POP4: variants seen among roughly 807,000 people sequenced by gnomAD.
The protein encoded by POP4 is ribonuclease P protein subunit p29.
POP4 carries 31 observed loss-of-function variants against 29.9 expected under a neutral mutation model. That is an observed-to-expected ratio of 1.04 (90% CI 0.78 to 1.40). The LOEUF (loss-of-function observed/expected upper bound fraction) is 1.40. Among genes scored for constraint, POP4 ranks in the 40% most tolerant of loss-of-function variants. The pLI is 0.00. For missense variants in POP4, 286 were observed against 282.7 expected (o/e 1.01, Z -0.08); for synonymous variants, 110 against 108.2 (o/e 1.02, Z -0.10).
In POP4 at chr19:29,611,918, G is replaced by A. The variant is rs897423885; in HGVS notation, c.341G>A (p.Cys114Tyr). The change falls in exon 4 of 7, where the codon TGC (cysteine) becomes TAC (tyrosine). Residue 114 changes from cysteine (C) to tyrosine (Y), a missense_variant. Physicochemically the swap from Cys to Tyr is radical, Grantham distance 194. Transcript: ENST00000585603. ...TGGAAACAGTACATCAGGGACCTGTGCAGTGGGCTCAAGCCAGACACGTAA... is the reference window on the plus strand; with the variant it reads ...TGGAAACAGTACATCAGGGACCTGTACAGTGGGCTCAAGCCAGACACGTAA... ...ELWKQYIRDL[C>Y]SGLKPDTQPQ... 1 of 1,614,056 alleles carries A rather than the reference G, an allele frequency of 6.2e-7. No homozygotes were observed. The highest frequency in any genetic ancestry group is 2.2e-5 in the East Asian group (1 of 44,900).
rs755539630 is a variant in POP4 at position 29,610,489 on chromosome 19, C to G, written c.141C>G (p.Arg47=). 3 of 1,610,168 alleles carry G rather than the reference C, an allele frequency of 1.9e-6. No homozygotes were observed. In the East Asian group the frequency reaches 6.7e-5, roughly 36 times the overall value. The change falls in exon 3 of 7, where the codon CGC becomes CGG. Residue 47 remains arginine (R), a synonymous_variant. Transcript: ENST00000585603. The part of the protein sequence containing the change: ...RSTPRMSPQA[R]EDQLQRKAVV... Reference sequence around the variant, plus strand: ...CGCCCCGCATGAGCCCGCAGGCCCGCGAGGACCAGCTGCAGCGCAAGGCGG... The same window carrying G: ...CGCCCCGCATGAGCCCGCAGGCCCGGGAGGACCAGCTGCAGCGCAAGGCGG...
intron 5 of POP4, among the ~76,000 whole-genome samples, chr19:29,612,542 C>G (rs1971082605): frequency 6.6e-6 from 1 of 152,112 alleles, no homozygotes. Flanking sequence ...CCTGACAGCC[C>G]CCAAGGTGAC....
Position 29,612,117 on chromosome 19 carries a change from G to C in POP4, c.363G>C (p.Thr121=). The part of the protein sequence containing the change: ...RDLCSGLKPD[T]QPQMIQAKLL... ...CCAAGGGCTTCTGTTTACCCTGCAG[G>C]CAGCCACAGATGATTCAGGCCAAGC... The change falls in exon 5 of 7, where the codon ACG becomes ACC. Residue 121 remains threonine, a splice_region_variant and synonymous_variant. Transcript: ENST00000585603. 1 of 1,606,612 alleles carries C rather than the reference G, an allele frequency of 6.2e-7. No individual in the cohort carries two copies. Among genetic ancestry groups the C allele is most frequent in the Non-Finnish European group, 8.5e-7 (1 of 1,177,960 alleles).
rs541166267 is a variant in POP4, at chr19:29,609,715, G to A, written c.61-694G>A. Reference sequence around the variant, plus strand: ...CCAGAAGTCCTCTCTAAGAGCCTGTGCTCATTCATGGTAAGTTGACGCCCT... The same window carrying A: ...CCAGAAGTCCTCTCTAAGAGCCTGTACTCATTCATGGTAAGTTGACGCCCT... On this transcript the variant is annotated intron_variant, in intron 2 of 6. Transcript: ENST00000585603. 3.3e-5 allele frequency among the ~76,000 whole-genome samples: 5 copies of A among 152,326 alleles called. 1 individual carries two copies. The South Asian group carries it at 1.0e-3, about 32-fold the overall frequency.
chr19:29,607,954 A>T (rs539882211), intron 1 of POP4, among the ~76,000 whole-genome samples: 1 of 152,316 alleles, frequency 6.6e-6, no homozygotes, highest in Admixed American at 6.5e-5. Flanking sequence ...AACCAATGCA[A>T]CTCAAAATGT....
At position 29,615,340 on chromosome 19, in the gene POP4, C is replaced by G; in HGVS notation, c.623C>G (p.Ser208Cys). The change falls in exon 7 of 7, where the codon TCT becomes TGT. Residue 208 changes from serine (S) to cysteine (C), a missense_variant. Physicochemically the swap from Ser to Cys is moderately radical, Grantham distance 112. Coordinates refer to ENST00000585603, the MANE Select transcript of POP4 (RefSeq NM_006627.3). ...TTCCAGCTTCGGTCAAGTGAACGGT[C>G]TGCGAAGAAGTTCAAAGCGAAGGGA... ...SKFQLRSSER[S>C]AKKFKAKGTI... 1 of 1,612,750 alleles carries G rather than the reference C, an allele frequency of 6.2e-7. No homozygotes were observed. The highest frequency in any genetic ancestry group is 8.5e-7 in the Non-Finnish European group (1 of 1,179,812).
At chr19:29,614,650 C>G (rs779632058) in intron 6 of POP4, among the ~76,000 whole-genome samples, 1 of 151,896 alleles carries the variant, frequency 6.6e-6, no homozygotes, top group Admixed American at 6.6e-5. Flanking sequence ...ATTACAGGCA[C>G]GCGCCACCAC....
At position 29,617,017 on chromosome 19, in the gene POP4, G is replaced by A. The variant is rs1971139542; in HGVS notation, c.*1637G>A. 1 of 152,256 alleles carries A rather than the reference G, an allele frequency of 6.6e-6. No homozygotes were observed. Among genetic ancestry groups the A allele is most frequent in the Non-Finnish European group, 1.5e-5 (1 of 68,052 alleles). 9.4% of individuals were successfully genotyped at this position (152,256 alleles called of 1,614,324 possible). A position where few individuals can be genotyped will look rare whatever the true frequency, so the allele number is the denominator to read the frequency against. ...AGGGTGGCTGCAGGATGAGACGGAT[G>A]CAGTTCAAAGTGCAGGATGTGCTGC... On this transcript the variant is annotated 3_prime_UTR_variant, in exon 7 of 7. Transcript: ENST00000585603.
In POP4 at chr19:29,612,249, G is replaced by A. The variant is rs542122850; in HGVS notation, c.424+71G>A. 2,589 of 1,400,904 alleles carry A rather than the reference G, an allele frequency of 1.8e-3. 44 individuals carry two copies. The East Asian group carries it at 0.034, about 19-fold the overall frequency. 86.8% of individuals were successfully genotyped at this position (1,400,904 alleles called of 1,614,324 possible). ...CTCTGTCACTCTGTGGAGACCCAGG[G>A]CGTGTGTTCTGTTGGACACACTCTT... On this transcript the variant is annotated intron_variant, in intron 5 of 6. Coordinates refer to ENST00000585603, the MANE Select transcript of POP4 (RefSeq NM_006627.3).
In POP4 at chr19:29,615,256, T is replaced by C. The variant is rs373272239; in HGVS notation, c.539T>C (p.Leu180Pro). Residue 180 changes from leucine (L) to proline (P), a missense_variant, in exon 7 of 7, where the codon CTA becomes CCA. Transcript: ENST00000585603. ...KEDRLKVIPK[L>P]NCVFTVETDG... ...TTTTTTTTTTCAGTTATCCCCAAGCTAAACTGCGTGTTCACTGTGGAAACC... is the reference window on the plus strand; with the variant it reads ...TTTTTTTTTTCAGTTATCCCCAAGCCAAACTGCGTGTTCACTGTGGAAACC... The C allele has an allele frequency of 1.3e-6, 2 of 1,488,700 alleles. No individual in the cohort carries two copies. Among genetic ancestry groups the C allele is most frequent in the African/African-American group, 2.8e-5 (2 of 70,782 alleles). The allele number at this position is 1,488,700 out of a possible 1,614,324, so 92.2% of individuals were successfully genotyped here.
intron 6 of POP4, 60 bp from the exon 7 acceptor site, chr19:29,615,184 A>C: frequency 6.9e-7 from 1 of 1,458,462 alleles, no homozygotes. Flanking sequence ...TAAAAGTAAA[A>C]TATTAATAAA....
At position 29,616,541 on chromosome 19, in the gene POP4, C is replaced by G. The variant is rs1365885965; in HGVS notation, c.*1161C>G. The G allele has an allele frequency of 6.6e-6, 1 of 152,384 alleles. No individual in the cohort carries two copies. The highest frequency in any genetic ancestry group is 1.5e-5 in the Non-Finnish European group (1 of 68,168). The allele number at this position is 152,384 out of a possible 1,614,324, so 9.4% of individuals were successfully genotyped here. ...CTGGTAACTTCCACCCAAACCACAC[C>G]AGAGAGAAACACCGTAGTGGAGAAG... On this transcript the variant is annotated 3_prime_UTR_variant, in exon 7 of 7. Transcript: ENST00000585603.
At chr19:29,612,426 G>A (rs2145558020) in intron 5 of POP4, among the ~76,000 whole-genome samples, 1 of 152,288 alleles carries the variant, frequency 6.6e-6, no homozygotes, top group East Asian at 1.9e-4. Flanking sequence ...AGGGACCCCT[G>A]TTGGTACCCT....
intron 3 of POP4, chr19:29,610,871 A>T: frequency 1.9e-6 from 1 of 534,586 alleles, no homozygotes; most frequent in South Asian, 2.3e-5. Flanking sequence ...GTGCAAGTAC[A>T]TCTGTTGCCC....
chr19:29,607,748 G>C (rs1169385791), intron 1 of POP4, among the ~76,000 whole-genome samples: 1 of 152,116 alleles, frequency 6.6e-6, no homozygotes, highest in African/African-American at 2.4e-5. Flanking sequence ...GGAAAAACTT[G>C]TATTTTATCA....
At position 29,613,670 on chromosome 19, in the gene POP4, C is replaced by T. The variant is rs200246371; in HGVS notation, c.425-201C>T. Among the ~76,000 whole-genome samples, 3 of 152,192 alleles carry T rather than the reference C, an allele frequency of 2.0e-5. No individual in the cohort carries two copies. In the East Asian group the frequency reaches 5.8e-4, roughly 29 times the overall value. The stretch of plus-strand genomic sequence containing the variant: ...ACACCTCATAGGAACAGTCCAGAGG[C>T]TGCAAAGCCCCAGGGGAAGCCTGGA... On this transcript the variant is annotated intron_variant, in intron 5 of 6. Transcript: ENST00000585603.
rs977364491 is a variant in POP4 at position 29,616,809 on chromosome 19, A to T, written c.*1429A>T. On this transcript the variant is annotated 3_prime_UTR_variant, in exon 7 of 7. Transcript: ENST00000585603. ...ATGAACACACGCACGGGCTAGGCAC[A>T]TGGAGCCCAAGCACACTGCCACCTC... 1 of 152,306 alleles carries T rather than the reference A, an allele frequency of 6.6e-6. No individual in the cohort carries two copies. The highest frequency in any genetic ancestry group is 2.4e-5 in the African/African-American group (1 of 41,454). 9.4% of individuals were successfully genotyped at this position (152,306 alleles called of 1,614,324 possible). A position where few individuals can be genotyped will look rare whatever the true frequency, so the allele number is the denominator to read the frequency against.
rs3214564 is a variant in POP4 at position 29,616,945 on chromosome 19, G to GA, written c.*1566dup. On this transcript the variant is annotated 3_prime_UTR_variant, in exon 7 of 7. Transcript: ENST00000585603. ...CTAAGGCCTCGCTGACTCAAGGGTA[G>GA]ATTGAGATTTGGACCTAATAGGCTC... 0.54 allele frequency: 82,389 copies of GA among 152,064 alleles called. 22,728 individuals carry two copies. Among genetic ancestry groups the GA allele is most frequent in the Admixed American group, 0.61 (9,365 of 15,294 alleles). 9.4% of individuals were successfully genotyped at this position (152,064 alleles called of 1,614,324 possible).
At chr19:29,612,085 A>G (rs1378721943) in intron 4 of POP4, 32 bp from the exon 5 acceptor site, 6 of 1,597,978 alleles carry the variant, frequency 3.8e-6, no homozygotes, top group East Asian at 4.5e-5. Context: ...TTTTATCATG[A>G]TGTAAACCAA....
Sources: gnomAD v4.1 joint callset for allele counts (sites outside exome capture counted in the v4.1 genomes callset) on GRCh38, gnomAD v4.1.1 for gene constraint, MANE v1.5 for transcripts, NCBI Gene and HGNC (gene_info 2026-07-23, HGNC 2026-07-21) for gene names.